The following NBAS variants were observed in gnomAD, a reference collection of about 807,000 sequenced individuals.
NBAS encodes the protein NAG/BC035112 fusion.
NBAS carries 219 observed loss-of-function variants against 302.5 expected under a neutral mutation model. The ratio of observed to expected loss-of-function variants is 0.72; its 90% CI spans 0.65 to 0.81. NBAS has a LOEUF of 0.81. NBAS is among the 30% of genes least tolerant of loss of function. The pLI, the probability that NBAS is intolerant of heterozygous loss-of-function variation, is 0.00. For synonymous variants in NBAS, 1,118 were observed against 1,021.6 expected (o/e 1.09, Z -1.80); for missense variants, 2,932 against 2,841.6 (o/e 1.03, Z -0.72).
chr2:15,025,782 AG>A, the NBAS span, among the ~76,000 whole-genome samples: 24 of 152,138 alleles, frequency 1.6e-4, no homozygotes, highest in Non-Finnish European at 3.2e-4. Context: ...GGCAGTGTAT[AG>A]GATTGCTTTT....
the NBAS span, among the ~76,000 whole-genome samples, chr2:15,159,537 A>G: frequency 1.1e-4 from 17 of 151,976 alleles, no homozygotes; most frequent in Non-Finnish European, 1.8e-4. Flanking sequence ...GTATGATTCC[A>G]CTGGTTCTAC....
the NBAS span, among the ~76,000 whole-genome samples, chr2:14,964,331 C>G: frequency 6.6e-6 from 1 of 152,052 alleles, no homozygotes; most frequent in Non-Finnish European, 1.5e-5. Context: ...AGATTCAAAT[C>G]AAATTTTTGA....
At chr2:14,819,823 T>C in the NBAS span, among the ~76,000 whole-genome samples, 1 of 152,016 alleles carries the variant, frequency 6.6e-6, no homozygotes, top group Non-Finnish European at 1.5e-5. Context: ...TAGGAAAAAA[T>C]CTAATAATCC....
the NBAS span, among the ~76,000 whole-genome samples, chr2:15,076,048 T>C: frequency 6.6e-6 from 1 of 152,234 alleles, no homozygotes; most frequent in African/African-American, 2.4e-5. Flanking sequence ...GCAGAGTGAC[T>C]TTGAAGAGCC....
chr2:15,539,125 A>G (rs1331285727), intron 7 of NBAS, 98 bp downstream of exon 7: 13 of 1,500,548 alleles, frequency 8.7e-6, no homozygotes, highest in Non-Finnish European at 1.2e-5. Flanking sequence ...ATTCTGATTT[A>G]TATTTGTATT....
intron 21 of NBAS, among the ~76,000 whole-genome samples, chr2:15,433,559 A>C (rs1412612621): frequency 6.6e-6 from 1 of 152,196 alleles, no homozygotes; most frequent in East Asian, 1.9e-4. Context: ...GATAACCTCC[A>C]CTTATACCAT....
At chr2:15,421,308 G>C (rs930270951) in intron 23 of NBAS, among the ~76,000 whole-genome samples, 1 of 152,118 alleles carries the variant, frequency 6.6e-6, no homozygotes, top group Admixed American at 6.6e-5. Context: ...TTTAATATCA[G>C]CTTTGAATCT....
chr2:15,311,040 AT>A (rs1186866242), intron 38 of NBAS, among the ~76,000 whole-genome samples: 1 of 152,226 alleles, frequency 6.6e-6, no homozygotes, highest in Non-Finnish European at 1.5e-5. Flanking sequence ...TCCCCAACTG[AT>A]TGACTACATA....
the NBAS span, among the ~76,000 whole-genome samples, chr2:15,047,630 A>G: frequency 2.2e-3 from 328 of 151,784 alleles, 2 homozygotes; most frequent in African/African-American, 7.6e-3. Context: ...GGCTGGGCCC[A>G]TGCAGGTAAA....
the NBAS span, among the ~76,000 whole-genome samples, chr2:14,963,814 G>C: frequency 6.6e-6 from 1 of 152,126 alleles, no homozygotes; most frequent in South Asian, 2.1e-4. Context: ...ATTTTGCTTT[G>C]TGTACTTTCG....
intron 32 of NBAS, 120 bp downstream of exon 32, chr2:15,366,460 C>G: frequency 1.1e-6 from 1 of 939,292 alleles, no homozygotes; most frequent in Non-Finnish European, 1.7e-6. Flanking sequence ...AGAGCGAGAC[C>G]CTGTCTAATA....
chr2:15,525,963 A>T (rs1662895257), intron 9 of NBAS, among the ~76,000 whole-genome samples: 1 of 152,142 alleles, frequency 6.6e-6, no homozygotes, highest in Non-Finnish European at 1.5e-5. Flanking sequence ...TAGGGTATAA[A>T]CTCCTACAGG....
chr2:15,069,254 A>G, the NBAS span, among the ~76,000 whole-genome samples: 1 of 152,224 alleles, frequency 6.6e-6, no homozygotes. Flanking sequence ...CGCCTCTTTA[A>G]GTCTGACTTG....
intron 30 of NBAS, among the ~76,000 whole-genome samples, chr2:15,376,119 G>A (rs1170031581): frequency 6.6e-6 from 1 of 152,082 alleles, no homozygotes; most frequent in Non-Finnish European, 1.5e-5. Context: ...GTATTGTTTG[G>A]ATATCTATTG....
At chr2:15,029,594 G>A in the NBAS span, among the ~76,000 whole-genome samples, 3 of 152,174 alleles carry the variant, frequency 2.0e-5, no homozygotes, top group East Asian at 1.9e-4. Flanking sequence ...CGTATATCAC[G>A]GTAGGAAGTA....
chr2:15,246,302 T>C lies in NBAS; in HGVS notation c.5725-7616A>G, dbSNP rs746057841. On this transcript the variant is annotated intron_variant, in intron 44 of 51. Coordinates refer to ENST00000281513, the MANE Select transcript of NBAS (RefSeq NM_015909.4). ...CCTTCCTGACCTATATCAAAGAATA[T>C]TGCATTGAAATTACCTAGTTACTTG... Among the ~76,000 whole-genome samples, 83 of 152,328 alleles carry C rather than the reference T, an allele frequency of 5.4e-4. 2 individuals are homozygous for C. The Middle Eastern group carries it at 0.027, about 50-fold the overall frequency.
the NBAS span, among the ~76,000 whole-genome samples, chr2:15,052,658 C>T: frequency 6.6e-6 from 1 of 152,200 alleles, no homozygotes; most frequent in Non-Finnish European, 1.5e-5. Context: ...TAAGACTTCA[C>T]TTCCAATGAC....
chr2:15,270,753 A>G (rs992377041), intron 44 of NBAS, among the ~76,000 whole-genome samples: 4 of 152,196 alleles, frequency 2.6e-5, no homozygotes, highest in Non-Finnish European at 4.4e-5. Context: ...CTTTTACTGT[A>G]TAATTTTTAA....
chr2:15,379,868 G>T lies in NBAS; in HGVS notation c.3361-37C>A, dbSNP rs2058866. 0.65 allele frequency: 1,017,380 copies of T among 1,569,346 alleles called. 335,716 individuals carry two copies. Among genetic ancestry groups the T allele is most frequent in the Non-Finnish European group, 0.68 (773,943 of 1,140,122 alleles). ...GAGAAACTGGAATTAGTTATAGAGA[G>T]GGAAGATTCAGTTCTCAGTGAAATG... On this transcript the variant is annotated intron_variant, in intron 29 of 51. Coordinates refer to ENST00000281513, the MANE Select transcript of NBAS (RefSeq NM_015909.4).
Sources: gnomAD v4.1 joint callset for allele counts (sites outside exome capture counted in the v4.1 genomes callset) on GRCh38, gnomAD v4.1.1 for gene constraint, MANE v1.5 for transcripts, NCBI Gene and HGNC (gene_info 2026-07-23, HGNC 2026-07-21) for gene names.